Variants in ZNF71 observed in about 807,000 individuals in gnomAD.
The protein encoded by ZNF71 is zinc finger protein 71, also known as endothelial zinc finger protein induced by tumor necrosis factor alpha.
Under a neutral mutation model 6.7 loss-of-function variants are expected in ZNF71, and 3 were observed. That is an observed-to-expected ratio of 0.45 (90% CI 0.20 to 1.16). ZNF71 has a LOEUF of 1.16. ZNF71 is among the 50% of genes most tolerant of loss of function. ZNF71 has a pLI of 0.25. For synonymous variants in ZNF71, 343 were observed against 311.1 expected (o/e 1.10, Z -1.08); for missense variants, 688 against 728.6 (o/e 0.94, Z 0.64).
chr19:56,615,348 C>T (rs758790525), intron 3 of ZNF71, among the ~76,000 whole-genome samples: 7 of 152,180 alleles, frequency 4.6e-5, no homozygotes, highest in South Asian at 2.1e-4. Flanking sequence ...CCACCAGCAG[C>T]GCACAAGCTT....
intron 1 of ZNF71, among the ~76,000 whole-genome samples, chr19:56,599,923 C>T (rs1282918102): frequency 1.3e-5 from 2 of 151,706 alleles, no homozygotes; most frequent in Admixed American, 6.6e-5. Flanking sequence ...CCTCGTGATC[C>T]GCCCGCCTCG....
chr19:56,617,012 A>G (rs1370225989), intron 3 of ZNF71, among the ~76,000 whole-genome samples: 1 of 152,178 alleles, frequency 6.6e-6, no homozygotes, highest in Non-Finnish European at 1.5e-5. Context: ...TTGGGGGAAA[A>G]ATGTGTGTGT....
rs57387906 is a variant in ZNF71 at position 56,603,797 on chromosome 19, T to A, written c.33+2206T>A. Among the ~76,000 whole-genome samples the A allele has an allele frequency of 0.2, 30,576 of 149,802 alleles. 4,965 individuals carry two copies. The highest frequency in any genetic ancestry group is 0.66 in the East Asian group (3,298 of 5,016). ...TTTTGGTTTAAGTTTTTTTTTTTTT[T>A]AATTACTACTAGTGTAATTACATTC... On this transcript the variant is annotated intron_variant, in intron 2 of 3. Coordinates refer to ENST00000599599, the MANE Select transcript of ZNF71 (RefSeq NM_001370215.1). This position sits in a 1 kb window ranked among gnomAD's most constrained non-coding sequence, Gnocchi z 4.6.
intron 1 of ZNF71, among the ~76,000 whole-genome samples, 163 bp from the exon 2 acceptor site, chr19:56,601,344 A>G (rs1009597364): frequency 6.6e-6 from 1 of 152,004 alleles, no homozygotes; most frequent in Admixed American, 6.6e-5. Context: ...AGTTCCCTAC[A>G]TGCAGTAAGC....
In ZNF71 at chr19:56,623,791, TTGTGTCTTGATG is replaced by T. The variant is rs1288108256; in HGVS notation, c.*1043_*1054del. ...GGGGTATGTTCTTCATAGGTAGTGC[TTGTGTCTTGATG>T]TGTGTCTTCACGTGGTTGTAAACGG... On this transcript the variant is annotated 3_prime_UTR_variant, in exon 4 of 4. Transcript: ENST00000599599. 5 of 167,142 alleles carry T rather than the reference TTGTGTCTTGATG, an allele frequency of 3.0e-5. No homozygotes were observed. The highest frequency in any genetic ancestry group is 7.3e-5 in the Non-Finnish European group (5 of 68,164). The allele number at this position is 167,142 out of a possible 1,614,324, so 10.4% of individuals were successfully genotyped here. A position where few individuals can be genotyped will look rare whatever the true frequency, so the allele number is the denominator to read the frequency against.
chr19:56,606,394 C>T (rs1600587457), intron 2 of ZNF71, among the ~76,000 whole-genome samples: 1 of 152,114 alleles, frequency 6.6e-6, no homozygotes, highest in Non-Finnish European at 1.5e-5. Context: ...AAAATTCAAC[C>T]ATACTTTTCT....
chr19:56,618,621 T>A lies in ZNF71; in HGVS notation c.161-2647T>A, dbSNP rs1484920636. On this transcript the variant is annotated intron_variant, in intron 3 of 3. Transcript: ENST00000599599. The surrounding 1 kb of genome is among the most constrained non-coding windows in gnomAD (Gnocchi z 4.6). ...CTTACGTAGGGTGGATTGGGAAGGCTCCCGTGGGGTTGTGGGGAAACAGGC... is the reference window on the plus strand; with the variant it reads ...CTTACGTAGGGTGGATTGGGAAGGCACCCGTGGGGTTGTGGGGAAACAGGC... 6.6e-6 allele frequency among the ~76,000 whole-genome samples: 1 copy of A among 152,084 alleles called. No homozygotes were observed. The highest frequency in any genetic ancestry group is 1.5e-5 in the Non-Finnish European group (1 of 68,004).
intron 3 of ZNF71, among the ~76,000 whole-genome samples, chr19:56,619,845 A>G (rs867487894): frequency 6.6e-6 from 1 of 152,200 alleles, no homozygotes; most frequent in Non-Finnish European, 1.5e-5. Context: ...TAGCAGCCAC[A>G]TGGACAGCAA....
chr19:56,597,585 T>C (rs2044635530), intron 1 of ZNF71, among the ~76,000 whole-genome samples: 1 of 152,254 alleles, frequency 6.6e-6, no homozygotes, highest in Non-Finnish European at 1.5e-5. Context: ...AACTTGCTTT[T>C]CTCACTTAGT....
At chr19:56,595,793 A>C (rs1319314002) in intron 1 of ZNF71, among the ~76,000 whole-genome samples, 1 of 150,632 alleles carries the variant, frequency 6.6e-6, no homozygotes, top group Non-Finnish European at 1.5e-5. Context: ...TGTGTGAGAC[A>C]GATTGTGTCG....
rs900530081 is a variant in ZNF71, at chr19:56,618,039, C to T, written c.161-3229C>T. Among the ~76,000 whole-genome samples the T allele has an allele frequency of 8.5e-5, 13 of 152,312 alleles. No homozygotes were observed. Among genetic ancestry groups the T allele is most frequent in the African/African-American group, 2.9e-4 (12 of 41,564 alleles). On this transcript the variant is annotated intron_variant, in intron 3 of 3. Transcript: ENST00000599599. The surrounding 1 kb of genome is among the most constrained non-coding windows in gnomAD (Gnocchi z 4.6). ...CCACCGAGTCTACACCCCACACTAC[C>T]ATCTGTGCCAGCATCTGGGCATTGT...
At chr19:56,620,007 A>G (rs2044830607) in intron 3 of ZNF71, among the ~76,000 whole-genome samples, 2 of 152,214 alleles carry the variant, frequency 1.3e-5, no homozygotes, top group Admixed American at 6.5e-5. Context: ...TGAGCAGAGA[A>G]AGAGGGTCTG....
At chr19:56,619,637 C>T (rs769861326) in intron 3 of ZNF71, among the ~76,000 whole-genome samples, 5 of 152,052 alleles carry the variant, frequency 3.3e-5, no homozygotes, top group South Asian at 2.1e-4. Context: ...CTGTGGATAA[C>T]GTTTAGATCC....
chr19:56,615,942 A>G (rs1184850133), intron 3 of ZNF71, among the ~76,000 whole-genome samples: 1 of 152,210 alleles, frequency 6.6e-6, no homozygotes, highest in Non-Finnish European at 1.5e-5. Context: ...TCTTTGATCC[A>G]TTTTGAATTA....
chr19:56,608,034 G>A (rs1004386662), intron 2 of ZNF71, among the ~76,000 whole-genome samples: 1 of 152,130 alleles, frequency 6.6e-6, no homozygotes, highest in Non-Finnish European at 1.5e-5. Context: ...TAATCCAAGG[G>A]AAAAAGAGGG....
In ZNF71 at chr19:56,598,157, G is replaced by A. The variant is rs1204915542; in HGVS notation, c.-53+2729G>A. Among the ~76,000 whole-genome samples, 1 of 152,176 alleles carries A rather than the reference G, an allele frequency of 6.6e-6. No homozygotes were observed. The highest frequency in any genetic ancestry group is 1.5e-5 in the Non-Finnish European group (1 of 68,038). ...GTGGTTTGTACTGCAAGAAAATAGA[G>A]GGGGAGAGAGTTGCTGCTTGAGGTC... is the stretch of plus-strand genomic sequence containing the variant. On this transcript the variant is annotated intron_variant, in intron 1 of 3. Transcript: ENST00000599599. The surrounding 1 kb of genome is among the most constrained non-coding windows in gnomAD (Gnocchi z 4.2).
At position 56,618,575 on chromosome 19, in the gene ZNF71, T is replaced by C. The variant is rs2044816139; in HGVS notation, c.161-2693T>C. ...AGGTCACTGAGTGTTCATAAAGAAG[T>C]GGGCAGGAGGACCTTCCTTCCTTAC... On this transcript the variant is annotated intron_variant, in intron 3 of 3. Transcript: ENST00000599599. This position sits in a 1 kb window ranked among gnomAD's most constrained non-coding sequence, Gnocchi z 4.6. Among the ~76,000 whole-genome samples, 1 of 151,958 alleles carries C rather than the reference T, an allele frequency of 6.6e-6. No homozygotes were observed. The highest frequency in any genetic ancestry group is 2.4e-5 in the African/African-American group (1 of 41,356).
In ZNF71 at chr19:56,622,935, C is replaced by A; in HGVS notation, c.*178C>A. 1 of 809,198 alleles carries A rather than the reference C, an allele frequency of 1.2e-6. No homozygotes were observed. The highest frequency in any genetic ancestry group is 1.9e-6 in the Non-Finnish European group (1 of 517,976). The allele number at this position is 809,198 out of a possible 1,614,324, so 50.1% of individuals were successfully genotyped here. On this transcript the variant is annotated 3_prime_UTR_variant, in exon 4 of 4. Coordinates refer to ENST00000599599, the MANE Select transcript of ZNF71 (RefSeq NM_001370215.1). ...TCACACATGCCCCCTCCTTACTGAG[C>A]CTCAGAAAGCAAGCCCCTCGGTGTC... is the stretch of plus-strand genomic sequence containing the variant.
At chr19:56,606,328 AAT>A (rs1230232460) in intron 2 of ZNF71, among the ~76,000 whole-genome samples, 1 of 152,188 alleles carries the variant, frequency 6.6e-6, no homozygotes, top group African/African-American at 2.4e-5. Flanking sequence ...ACATATTTAG[AAT>A]ATGTTAGAAT....
Sources: gnomAD v4.1 joint callset for allele counts (sites outside exome capture counted in the v4.1 genomes callset) on GRCh38, gnomAD v4.1.1 for gene constraint, Gnocchi (gnomAD v3.1) non-coding constraint, MANE v1.5 for transcripts, NCBI Gene and HGNC (gene_info 2026-07-23, HGNC 2026-07-21) for gene names.